Variants in SH2B1 observed in about 807,000 individuals in gnomAD.
The protein encoded by SH2B1 is SH2B adaptor protein 1.
SH2B1 carries 15 observed loss-of-function variants against 62.6 expected under a neutral mutation model. The observed-to-expected ratio is 0.24, with a 90% CI of 0.16 to 0.37. The LOEUF (loss-of-function observed/expected upper bound fraction) is 0.37, where lower values mean the gene tolerates loss of function less well. SH2B1 is among the 10% of genes least tolerant of loss of function. The pLI, the probability that SH2B1 is intolerant of heterozygous loss-of-function variation, is 1.00. For missense variants in SH2B1, 925 were observed against 1,015.6 expected (o/e 0.91, Z 1.21); for synonymous variants, 443 against 438.0 (o/e 1.01, Z -0.14).
At chr16:28,848,590 A>G (rs1256468212) in intron 1 of SH2B1, among the ~76,000 whole-genome samples, 1 of 151,702 alleles carries the variant, frequency 6.6e-6, no homozygotes, top group Non-Finnish European at 1.5e-5. Flanking sequence ...TCCATTTTGC[A>G]GGTGTGAAAA....
chr16:28,851,587 C>T (rs1962100491), intron 1 of SH2B1, among the ~76,000 whole-genome samples: 1 of 150,994 alleles, frequency 6.6e-6, no homozygotes, highest in South Asian at 2.1e-4. Flanking sequence ...CTCACCCTCC[C>T]AAGTAGCTGG....
chr16:28,859,133 G>T (rs1169224052), upstream of SH2B1, among the ~76,000 whole-genome samples: 2 of 151,882 alleles, frequency 1.3e-5, no homozygotes, highest in African/African-American at 4.8e-5. Flanking sequence ...TTGTAGAGAT[G>T]GGGTTTCACC....
Position 28,855,806 on chromosome 16 carries a change from ATTTTTTTTTT to A in SH2B1, c.-300-5799_-300-5790del, listed in dbSNP as rs746171586. ...AGGCGCCCGCCAGCACGCCCGGCTAATTTTTTTTTTTTTTTTTTTTTTGGATTTTTAGTAG... is the reference window on the plus strand; with the variant it reads ...AGGCGCCCGCCAGCACGCCCGGCTAATTTTTTTTTTTTGGATTTTTAGTAG... On this transcript the variant is annotated intron_variant, in intron 1 of 10. Coordinates refer to the SH2B1 transcript ENST00000322610. 3.9e-5 allele frequency among the ~76,000 whole-genome samples: 4 copies of A among 102,394 alleles called. No individual in the cohort carries two copies. The East Asian group carries it at 8.8e-4, about 22-fold the overall frequency. The allele number at this position is 102,394 out of a possible 152,430, so 67.2% of individuals were successfully genotyped here.
rs367937250 is a variant in SH2B1 at position 28,852,436 on chromosome 16, TTATA to T, written c.-301+5617_-301+5620del. Among the ~76,000 whole-genome samples, 24 of 51,360 alleles carry T rather than the reference TTATA, an allele frequency of 4.7e-4. 9 individuals carry two copies. In the East Asian group the frequency reaches 5.9e-3, roughly 13 times the overall value. The allele number at this position is 51,360 out of a possible 152,430, so 33.7% of individuals were successfully genotyped here. A position where few individuals can be genotyped will look rare whatever the true frequency, so the allele number is the denominator to read the frequency against. ...TATATTTATATATTTACATATATAT[TTATA>T]TATATATTTACATATATATTTATAT... On this transcript the variant is annotated intron_variant, in intron 1 of 10. Transcript: ENST00000322610.
rs7193733 is a variant in SH2B1 at position 28,864,161 on chromosome 16, A to G, written c.-1934A>G. On this transcript the variant is annotated 5_prime_UTR_variant, in exon 1 of 8. Transcript: ENST00000684370. The stretch of plus-strand genomic sequence containing the variant: ...GGGGGTGTCCAGGGAGTAGGGTCGG[A>G]TCGGAGTATATGGACCACCGGGCCC... The G allele has an allele frequency of 0.38, 420,444 of 1,117,402 alleles. 81,715 individuals are homozygous for G. The highest frequency in any genetic ancestry group is 0.42 in the Admixed American group (8,899 of 21,378). 69.2% of individuals were successfully genotyped at this position (1,117,402 alleles called of 1,614,324 possible).
At position 28,852,928 on chromosome 16, in the gene SH2B1, TTA is replaced by T. The variant is rs55973928; in HGVS notation, c.-301+6109_-301+6110del. 2.3e-4 allele frequency among the ~76,000 whole-genome samples: 14 copies of T among 60,852 alleles called. 3 individuals are homozygous for T. The highest frequency in any genetic ancestry group is 4.0e-4 in the Non-Finnish European group (14 of 34,776). 39.9% of individuals were successfully genotyped at this position (60,852 alleles called of 152,430 possible). The stretch of plus-strand genomic sequence containing the variant: ...TATATACATGTACATATATATATTT[TTA>T]TATATATGTACATATATATTTTATA... On this transcript the variant is annotated intron_variant, in intron 1 of 10. Coordinates refer to the SH2B1 transcript ENST00000322610.
At position 28,867,127 on chromosome 16, in the gene SH2B1, C is replaced by T. The variant is rs562547228; in HGVS notation, c.939+94C>T. On this transcript the variant is annotated intron_variant, in intron 1 of 7. Coordinates refer to ENST00000684370, the MANE Select transcript of SH2B1 (RefSeq NM_001387430.1). ...AGATAAGCTCTGGGGTTTACCAGCC[C>T]ATGGCCCTGGTGTCGCTCACTTTTT... The T allele has an allele frequency of 4.9e-4, 751 of 1,539,608 alleles. 13 individuals are homozygous for T. The South Asian group carries it at 8.1e-3, about 17-fold the overall frequency.
At chr16:28,861,128 T>C (rs920885883), upstream of SH2B1, among the ~76,000 whole-genome samples, 4 of 149,190 alleles carry the variant, frequency 2.7e-5, no homozygotes, top group Admixed American at 2.0e-4. Context: ...TGAGCCACCA[T>C]GCCCAGCACT....
Position 28,865,972 on chromosome 16 carries a change from A to G in SH2B1, c.-123A>G. ...GGGATGCAGCCTCCGGTGCGCCCTC[A>G]GCAGTGACCCTCGTGTGTGCCTCTC... On this transcript the variant is annotated 5_prime_UTR_variant, in exon 1 of 8. Transcript: ENST00000684370. The G allele has an allele frequency of 6.7e-7, 1 of 1,482,412 alleles. No homozygotes were observed. The highest frequency in any genetic ancestry group is 8.9e-7 in the Non-Finnish European group (1 of 1,125,276). The allele number at this position is 1,482,412 out of a possible 1,614,324, so 91.8% of individuals were successfully genotyped here.
chr16:28,855,651 T>A lies in SH2B1; in HGVS notation c.-300-5967T>A, dbSNP rs28437438. On this transcript the variant is annotated intron_variant, in intron 1 of 10. Coordinates refer to the SH2B1 transcript ENST00000322610. Reference sequence around the variant, plus strand: ...AACTTATTTATTTATTTATTTATTTTTTTTTTGAGACAGAGTCTTGTTCTG... The same window carrying A: ...AACTTATTTATTTATTTATTTATTTATTTTTTGAGACAGAGTCTTGTTCTG... Among the ~76,000 whole-genome samples the A allele has an allele frequency of 8.9e-4, 95 of 107,154 alleles. 1 individual carries two copies. Among genetic ancestry groups the A allele is most frequent in the Non-Finnish European group, 1.3e-3 (62 of 47,056 alleles). The allele number at this position is 107,154 out of a possible 152,430, so 70.3% of individuals were successfully genotyped here. A position where few individuals can be genotyped will look rare whatever the true frequency, so the allele number is the denominator to read the frequency against.
chr16:28,870,761 GCAGC>G (rs1962982186), intron 4 of SH2B1, among the ~76,000 whole-genome samples: 1 of 152,022 alleles, frequency 6.6e-6, no homozygotes, highest in African/African-American at 2.4e-5. Flanking sequence ...ACAGCTTCCT[GCAGC>G]CTTGACCTCC....
At chr16:28,853,080 A>T (rs1191915618) in intron 1 of SH2B1, among the ~76,000 whole-genome samples, 5 of 117,550 alleles carry the variant, frequency 4.3e-5, no homozygotes, top group Admixed American at 4.0e-4. Flanking sequence ...ATATATATTT[A>T]TATATATTTA....
Position 28,852,043 on chromosome 16 carries a change from G to A in SH2B1, c.-301+5216G>A, listed in dbSNP as rs190600145. 1.8e-3 allele frequency among the ~76,000 whole-genome samples: 261 copies of A among 148,510 alleles called. 5 individuals are homozygous for A. In the East Asian group the frequency reaches 0.05, roughly 29 times the overall value. ...GATTGTGCCACTGCACTCCAACCTGGGCGACAGAGTGAGACTCTGTCTCAA... is the reference window on the plus strand; with the variant it reads ...GATTGTGCCACTGCACTCCAACCTGAGCGACAGAGTGAGACTCTGTCTCAA... On this transcript the variant is annotated intron_variant, in intron 1 of 10. Transcript: ENST00000322610.
rs1341258875 is a variant in SH2B1 at position 28,873,163 on chromosome 16, C to T, written c.1898-284C>T. 1 of 1,553,188 alleles carries T rather than the reference C, an allele frequency of 6.4e-7. No individual in the cohort carries two copies. ...CCCATCTGTCCCCACGTTGCCCCTC[C>T]CCCCAGGCCGGGAGCAGGCTGGGAG... On this transcript the variant is annotated intron_variant, in intron 7 of 7. Coordinates refer to ENST00000684370, the MANE Select transcript of SH2B1 (RefSeq NM_001387430.1). This position sits in a 1 kb window ranked among gnomAD's most constrained non-coding sequence, Gnocchi z 4.2.
rs141688210 is a variant in SH2B1, at chr16:28,867,833, A to G, written c.1041+401A>G. On this transcript the variant is annotated intron_variant, in intron 2 of 7. Coordinates refer to ENST00000684370, the MANE Select transcript of SH2B1 (RefSeq NM_001387430.1). The stretch of plus-strand genomic sequence containing the variant: ...GACACCATGCCTGGCTAATTTTGTT[A>G]CTTACTTACATTTGAGATAGAGCCT... Among the ~76,000 whole-genome samples, 525 of 152,066 alleles carry G rather than the reference A, an allele frequency of 3.5e-3. 5 individuals carry two copies. The highest frequency in any genetic ancestry group is 0.029 in the South Asian group (140 of 4,810).
chr16:28,866,260 G>C lies in SH2B1; in HGVS notation c.166G>C (p.Ala56Pro). ...CTACCTGGCCTCCCACCCCCAATAT[G>C]CGGGGCCCGGGGCCGAGGCTGCCTT... is the stretch of plus-strand genomic sequence containing the variant. ...RLYLASHPQY[A>P]GPGAEAAFSR... Residue 56 changes from alanine (A) to proline (P), a missense_variant, in exon 1 of 8, where the codon GCG (alanine) becomes CCG (proline). Ala to Pro is a conservative substitution (Grantham distance 27, BLOSUM62 -1). Coordinates refer to ENST00000684370, the MANE Select transcript of SH2B1 (RefSeq NM_001387430.1). The surrounding 1 kb of genome is among the most constrained non-coding windows in gnomAD (Gnocchi z 6.3). 1 of 1,610,842 alleles carries C rather than the reference G, an allele frequency of 6.2e-7. No individual in the cohort carries two copies. The highest frequency in any genetic ancestry group is 2.2e-5 in the East Asian group (1 of 44,828).
rs1297049517 is a variant in SH2B1 at position 28,851,762 on chromosome 16, C to CT, written c.-301+4941dup. Among the ~76,000 whole-genome samples the CT allele has an allele frequency of 3.0e-3, 455 of 149,716 alleles. 5 individuals are homozygous for CT. Among genetic ancestry groups the CT allele is most frequent in the African/African-American group, 0.01 (427 of 40,988 alleles). On this transcript the variant is annotated intron_variant, in intron 1 of 10. Transcript: ENST00000322610. ...ATAGGCATGAGCCACCGCGCCTGGC[C>CT]TTTTTTAAAAAAAATACATATATTG...
At position 28,866,990 on chromosome 16, in the gene SH2B1, A is replaced by G. The variant is rs1428278950; in HGVS notation, c.896A>G (p.Glu299Gly). The G allele has an allele frequency of 3.9e-5, 63 of 1,602,878 alleles. No homozygotes were observed. The highest frequency in any genetic ancestry group is 6.7e-5 in the East Asian group (3 of 44,864). ...KCRLLLRSEGEGGGGSRLEFF... is the reference protein window; with the variant it reads ...KCRLLLRSEGGGGGGSRLEFF... The stretch of plus-strand genomic sequence containing the variant: ...CGCCTGCTGCTTCGAAGTGAAGGAG[A>G]AGGAGGAGGAGGAAGTCGCCTGGAG... The change falls in exon 1 of 8, where the codon GAA becomes GGA. Residue 299 changes from glutamate (E) to glycine (G), a missense_variant. Transcript: ENST00000684370. This position sits in a 1 kb window ranked among gnomAD's most constrained non-coding sequence, Gnocchi z 6.3.
chr16:28,859,403 G>A (rs901732890), upstream of SH2B1, among the ~76,000 whole-genome samples: 5 of 152,118 alleles, frequency 3.3e-5, no homozygotes, highest in African/African-American at 9.7e-5. Context: ...ATCACTGGGC[G>A]ATGAAAGCTG....
Sources: allele counts gnomAD v4.1 joint callset (sites outside exome capture counted in the v4.1 genomes callset), GRCh38; gene constraint gnomAD v4.1.1; non-coding constraint Gnocchi (gnomAD v3.1); transcripts MANE v1.5; gene names NCBI Gene and HGNC (gene_info 2026-07-23, HGNC 2026-07-21).